The following RPS6KA6 variants were observed in gnomAD, a reference collection of about 807,000 sequenced individuals.
RPS6KA6 encodes ribosomal protein S6 kinase A6.
RPS6KA6 carries 27 observed loss-of-function variants against 65.4 expected under a neutral mutation model. The observed-to-expected ratio is 0.41, with a 90% CI of 0.30 to 0.57. The LOEUF (loss-of-function observed/expected upper bound fraction) is 0.57, where lower values mean the gene tolerates loss of function less well. Ranked by LOEUF, RPS6KA6 falls within the 20% of genes least tolerant of loss-of-function variation. The pLI is 0.24. For synonymous variants in RPS6KA6, 190 were observed against 184.2 expected (o/e 1.03, Z -0.26); for missense variants, 486 against 555.6 (o/e 0.87, Z 1.26).
chrX:84,150,974 A>G (rs1409954365), intron 3 of RPS6KA6, among the ~76,000 whole-genome samples: 1 of 95,257 alleles, frequency 1.0e-5, no homozygotes, highest in East Asian at 3.2e-4. Context: ...GAGGATATAT[A>G]TAGGATATAT....
chrX:84,164,762 T>C (rs2035571853), intron 1 of RPS6KA6, among the ~76,000 whole-genome samples: 1 of 112,021 alleles, frequency 8.9e-6, no homozygotes, highest in African/African-American at 3.2e-5. Flanking sequence ...AAGCAAATTA[T>C]AATAAGAACA....
chrX:84,131,759 G>A (rs776424512), intron 8 of RPS6KA6, among the ~76,000 whole-genome samples: 1 of 112,015 alleles, frequency 8.9e-6, no homozygotes, highest in African/African-American at 3.2e-5. Context: ...TTATACAGTG[G>A]TTTTTCCAAA....
At chrX:84,141,025 G>A (rs191259807) in intron 6 of RPS6KA6, among the ~76,000 whole-genome samples, 1 of 109,832 alleles carries the variant, frequency 9.1e-6, no homozygotes, top group East Asian at 2.9e-4. Context: ...TAAACACAAG[G>A]CCCAAAATGA....
At chrX:84,107,306 A>C (rs1374746766) in intron 13 of RPS6KA6, among the ~76,000 whole-genome samples, 1 of 111,815 alleles carries the variant, frequency 8.9e-6, no homozygotes, top group Non-Finnish European at 1.9e-5. Context: ...ATGAAACTGT[A>C]AAAGACAGAG....
At chrX:84,121,677 C>T (rs1444621708) in intron 8 of RPS6KA6, among the ~76,000 whole-genome samples, 1 of 111,898 alleles carries the variant, frequency 8.9e-6, no homozygotes, top group Non-Finnish European at 1.9e-5. Context: ...AAAAAGCAGT[C>T]TTTTCAACAA....
At chrX:84,110,991 AATATAT>A (rs753011876) in intron 12 of RPS6KA6, among the ~76,000 whole-genome samples, 2 of 102,434 alleles carry the variant, frequency 2.0e-5, no homozygotes, top group African/African-American at 7.0e-5. Flanking sequence ...AAGATAAATA[AATATAT>A]ATATATATAT....
intron 1 of RPS6KA6, among the ~76,000 whole-genome samples, chrX:84,184,244 A>C (rs952179945): frequency 8.9e-6 from 1 of 112,417 alleles, no homozygotes; most frequent in Non-Finnish European, 1.9e-5. Flanking sequence ...AAGGGGTCTT[A>C]AGAAAAACTG....
intron 8 of RPS6KA6, among the ~76,000 whole-genome samples, chrX:84,129,326 T>C (rs2034852383): frequency 1.8e-5 from 2 of 111,058 alleles, no homozygotes; most frequent in South Asian, 7.6e-4. Flanking sequence ...AGGCCTTTAT[T>C]CAAAAGTCAG....
Position 84,164,363 on chromosome X carries a change from C to T in RPS6KA6, c.106G>A (p.Glu36Lys). The T allele has an allele frequency of 8.3e-7, 1 of 1,199,243 alleles. No homozygotes were observed. Among genetic ancestry groups the T allele is most frequent in the Non-Finnish European group, 1.1e-6 (1 of 885,861 alleles). ...TCTGCTTCTCCCTCTTCCATTGGCTCATCAACCATTTTAAGACCATTTACC... is the reference window on the plus strand; with the variant it reads ...TCTGCTTCTCCCTCTTCCATTGGCTTATCAACCATTTTAAGACCATTTACC... ...GEVNGLKMVD[E>K]PMEEGEADSC... is the part of the protein sequence containing the mutation. Residue 36 changes from glutamate (E) to lysine (K), a missense_variant, in exon 2 of 22, where the codon GAG becomes AAG. Around this residue, in one of 3 missense-constraint regions of RPS6KA6, gnomAD observed 106 missense variants for 105.0 expected, o/e 1.01. Transcript: ENST00000262752.
chrX:84,104,835 A>G lies in RPS6KA6; in HGVS notation c.1456-178T>C, dbSNP rs191309780. ...GGCTGTACTAAAGGTTGAATTGGCT[A>G]AACAGTCACCTACACAGTCCCATGA... On this transcript the variant is annotated intron_variant, in intron 16 of 21. Coordinates refer to ENST00000262752, the MANE Select transcript of RPS6KA6 (RefSeq NM_014496.5). Among the ~76,000 whole-genome samples, 341 of 110,754 alleles carry G rather than the reference A, an allele frequency of 3.1e-3. 3 individuals carry two copies. The highest frequency in any genetic ancestry group is 0.011 in the African/African-American group (322 of 30,666).
intron 20 of RPS6KA6, among the ~76,000 whole-genome samples, chrX:84,066,347 T>C (rs2033403193): frequency 9.5e-6 from 1 of 105,241 alleles, no homozygotes; most frequent in Non-Finnish European, 1.9e-5. Flanking sequence ...TCCAGCAAGC[T>C]AAGAACCACT....
At chrX:84,175,085 A>C (rs1203337860) in intron 1 of RPS6KA6, among the ~76,000 whole-genome samples, 1 of 111,974 alleles carries the variant, frequency 8.9e-6, no homozygotes, top group African/African-American at 3.2e-5. Context: ...GCTAACAGCA[A>C]AGAGGAATTC....
intron 18 of RPS6KA6, among the ~76,000 whole-genome samples, chrX:84,101,458 T>C (rs1048965899): frequency 8.1e-5 from 9 of 110,632 alleles, no homozygotes; most frequent in Non-Finnish European, 1.3e-4. Flanking sequence ...CACCCTAATA[T>C]TTAGATATAA....
intron 6 of RPS6KA6, among the ~76,000 whole-genome samples, chrX:84,142,715 C>A (rs1205298208): frequency 9.0e-6 from 1 of 111,388 alleles, no homozygotes; most frequent in African/African-American, 3.2e-5. Flanking sequence ...ATATTATGAA[C>A]ATTTTTATGC....
intron 12 of RPS6KA6, among the ~76,000 whole-genome samples, chrX:84,108,279 G>GA (rs1339636537): frequency 8.9e-6 from 1 of 111,749 alleles, no homozygotes; most frequent in Non-Finnish European, 1.9e-5. Flanking sequence ...CCACAGTGGG[G>GA]AAAAATAAAT....
chrX:84,187,974 G>A lies in RPS6KA6; in HGVS notation c.-75C>T. 1.3e-6 allele frequency: 1 copy of A among 793,974 alleles called. No homozygotes were observed. The allele number at this position is 793,974 out of a possible 1,213,427, so 65.4% of individuals were successfully genotyped here. On this transcript the variant is annotated 5_prime_UTR_variant, in exon 1 of 22. Transcript: ENST00000262752. ...GCCGCGCATCCTGTCTATTGAACTGGCCCGCCGCCGCCGCCGCCGCCGCCG... is the reference window on the plus strand; with the variant it reads ...GCCGCGCATCCTGTCTATTGAACTGACCCGCCGCCGCCGCCGCCGCCGCCG...
intron 1 of RPS6KA6, among the ~76,000 whole-genome samples, chrX:84,184,703 T>G (rs1384986020): frequency 9.2e-6 from 1 of 108,819 alleles, no homozygotes; most frequent in Non-Finnish European, 1.9e-5. Flanking sequence ...CTAATTTGTT[T>G]AGACAGGCAT....
intron 1 of RPS6KA6, 114 bp from the exon 2 acceptor site, chrX:84,164,501 T>G: frequency 2.2e-5 from 11 of 502,775 alleles, no homozygotes; most frequent in Non-Finnish European, 3.7e-5. Flanking sequence ...CCACACTTAC[T>G]GAAAAACAAA....
intron 8 of RPS6KA6, among the ~76,000 whole-genome samples, chrX:84,134,128 C>T (rs1230375847): frequency 1.8e-5 from 2 of 111,712 alleles, no homozygotes; most frequent in African/African-American, 3.2e-5. Context: ...GCACAATGCC[C>T]TTGAGATTCA....
Sources: gnomAD v4.1 joint callset for allele counts (sites outside exome capture counted in the v4.1 genomes callset) on GRCh38, gnomAD v4.1.1 for gene constraint, gnomAD v4.1.1 regional missense constraint, MANE v1.5 for transcripts, NCBI Gene and HGNC (gene_info 2026-07-23, HGNC 2026-07-21) for gene names.